BBS9: variants seen among roughly 807,000 people sequenced by gnomAD.
The protein encoded by BBS9 is protein PTHB1.
Under a neutral mutation model 117.7 loss-of-function variants are expected in BBS9, and 89 were observed. The ratio of observed to expected loss-of-function variants is 0.76; its 90% CI spans 0.64 to 0.90. The LOEUF is 0.90. Among genes scored for constraint, BBS9 ranks in the 40% least tolerant of loss-of-function variants. The probability of loss-of-function intolerance (pLI) is 0.00; values close to 1 mark genes in which losing one functional copy is unlikely to be tolerated. For missense variants in BBS9, 982 were observed against 1,042.2 expected (o/e 0.94, Z 0.80); for synonymous variants, 379 against 370.9 (o/e 1.02, Z -0.25).
At chr7:33,383,607 G>A (rs1162293649) in intron 17 of BBS9, 59 bp from the exon 18 acceptor site, 30 of 1,441,330 alleles carry the variant, frequency 2.1e-5, no homozygotes, top group African/African-American at 2.8e-5. Context: ...GATAGTTCAT[G>A]TAGCTTTATC....
intron 19 of BBS9, among the ~76,000 whole-genome samples, chr7:33,390,922 G>C (rs963392965): frequency 6.6e-6 from 1 of 151,988 alleles, no homozygotes; most frequent in Non-Finnish European, 1.5e-5. Context: ...TCTAAAGTAT[G>C]TACTGGAACT....
intron 5 of BBS9, among the ~76,000 whole-genome samples, chr7:33,193,648 A>G (rs1403744668): frequency 6.6e-6 from 1 of 152,036 alleles, no homozygotes; most frequent in Non-Finnish European, 1.5e-5. Flanking sequence ...GTGTCTGCTT[A>G]TCACCTATCT....
At chr7:33,240,719 C>T (rs79812299) in intron 5 of BBS9, among the ~76,000 whole-genome samples, 4,261 of 152,278 alleles carry the variant, frequency 0.028, 154 homozygotes, top group African/African-American at 0.077. Flanking sequence ...GTTTGTGATA[C>T]AATTTTTCCC....
chr7:33,491,867 AG>A (rs1339758228), intron 19 of BBS9, among the ~76,000 whole-genome samples: 1 of 152,186 alleles, frequency 6.6e-6, no homozygotes, highest in East Asian at 1.9e-4. Flanking sequence ...TATTGTCTTC[AG>A]GTATATGACA....
chr7:33,587,947 A>G (rs1032671679), intron 21 of BBS9, among the ~76,000 whole-genome samples: 6 of 152,238 alleles, frequency 3.9e-5, no homozygotes, highest in East Asian at 1.9e-4. Flanking sequence ...CCATAACTTG[A>G]TGCCCCAGTG....
chr7:33,204,155 G>A (rs1299331558), intron 5 of BBS9, among the ~76,000 whole-genome samples: 1 of 17,280 alleles, frequency 5.8e-5, no homozygotes, highest in African/African-American at 2.5e-4. Context: ...TGTAATCCCA[G>A]CACTTTGGGA....
intron 19 of BBS9, among the ~76,000 whole-genome samples, chr7:33,487,118 C>G (rs1299686032): frequency 1.3e-5 from 2 of 152,226 alleles, no homozygotes; most frequent in Non-Finnish European, 2.9e-5. Context: ...CTTGTGACTA[C>G]TAAATGTCCC....
intron 19 of BBS9, among the ~76,000 whole-genome samples, chr7:33,459,357 G>T (rs1403973454): frequency 6.6e-6 from 1 of 151,892 alleles, no homozygotes; most frequent in African/African-American, 2.4e-5. Flanking sequence ...GTAACAGCTG[G>T]GGAGAAGGGA....
At chr7:33,250,184 A>G (rs1796006929) in intron 5 of BBS9, among the ~76,000 whole-genome samples, 1 of 152,280 alleles carries the variant, frequency 6.6e-6, no homozygotes, top group Non-Finnish European at 1.5e-5. Flanking sequence ...CATTAGACAA[A>G]TTGTTTAAGT....
intron 19 of BBS9, among the ~76,000 whole-genome samples, chr7:33,423,148 A>G (rs1400287674): frequency 3.9e-4 from 59 of 152,222 alleles, no homozygotes; most frequent in Non-Finnish European, 5.9e-5. Flanking sequence ...TAAAGATACT[A>G]CAGAAGCTAC....
chr7:33,387,969 A>G (rs1243135466), intron 18 of BBS9, 23 bp from the exon 19 acceptor site: 7 of 1,611,634 alleles, frequency 4.3e-6, no homozygotes, highest in Non-Finnish European at 5.9e-6. Flanking sequence ...TTTAATCTCA[A>G]TTTAAGAAAT....
At chr7:33,577,888 A>G (rs1252610034) in intron 21 of BBS9, among the ~76,000 whole-genome samples, 1 of 152,038 alleles carries the variant, frequency 6.6e-6, no homozygotes, top group Non-Finnish European at 1.5e-5. Context: ...AACATCACAC[A>G]CTGGGGCCTG....
chr7:33,514,955 A>G (rs74769326), intron 20 of BBS9, among the ~76,000 whole-genome samples: 2,926 of 152,266 alleles, frequency 0.019, 103 homozygotes, highest in African/African-American at 0.067. Context: ...CTCTATATAT[A>G]CATCTTAAGG....
chr7:33,473,342 G>A (rs1318732892), intron 19 of BBS9, among the ~76,000 whole-genome samples: 56 of 18,938 alleles, frequency 3.0e-3, no homozygotes, highest in African/African-American at 8.8e-3. Context: ...CCCCCGCCCC[G>A]AGGCAGAGTC....
chr7:33,249,450 A>C (rs1795895878), intron 5 of BBS9, among the ~76,000 whole-genome samples: 1 of 152,126 alleles, frequency 6.6e-6, no homozygotes, highest in African/African-American at 2.4e-5. Context: ...CATGACATGA[A>C]GCTGCCATAA....
chr7:33,178,775 T>C (rs893408329), intron 5 of BBS9, among the ~76,000 whole-genome samples: 4 of 151,844 alleles, frequency 2.6e-5, no homozygotes, highest in Middle Eastern at 3.2e-3. Context: ...TTGTGTGAAC[T>C]CAGTTTTTTT....
chr7:33,533,875 A>G, intron 20 of BBS9, 79 bp from the exon 21 acceptor site: 2 of 1,461,802 alleles, frequency 1.4e-6, no homozygotes, highest in Non-Finnish European at 1.9e-6. Context: ...TAAACACTCA[A>G]TAATCTGTAT....
intron 9 of BBS9, among the ~76,000 whole-genome samples, chr7:33,282,752 T>C (rs561424630): frequency 1.3e-5 from 2 of 152,306 alleles, no homozygotes; most frequent in South Asian, 4.1e-4. Flanking sequence ...TATGAATTTT[T>C]TATAAATGTT....
chr7:33,207,134 C>T (rs2128219958), intron 5 of BBS9, among the ~76,000 whole-genome samples: 1 of 152,254 alleles, frequency 6.6e-6, no homozygotes, highest in Admixed American at 6.5e-5. Flanking sequence ...AGCTTGTTAC[C>T]TGAATTCTCC....
Sources: allele counts gnomAD v4.1 joint callset (sites outside exome capture counted in the v4.1 genomes callset), GRCh38; gene constraint gnomAD v4.1.1; transcripts MANE v1.5; gene names NCBI Gene and HGNC (gene_info 2026-07-23, HGNC 2026-07-21).